The following ZNF704 variants were observed in gnomAD, a reference collection of about 807,000 sequenced individuals.
ZNF704 encodes the protein zinc finger protein 704.
In ZNF704, 10 loss-of-function variants were observed where a neutral mutation model predicts 44.7. The observed-to-expected ratio is 0.22, with a 90% CI of 0.14 to 0.38. ZNF704 has a LOEUF of 0.38. Among genes scored for constraint, ZNF704 ranks in the 10% least tolerant of loss-of-function variants. ZNF704 has a pLI of 1.00. For missense variants in ZNF704, 390 were observed against 545.5 expected, an observed-to-expected ratio of 0.71 and a Z score of 2.84; for synonymous variants, 211 against 207.6, an observed-to-expected ratio of 1.02 and a Z score of -0.14.
intron 4 of ZNF704, among the ~76,000 whole-genome samples, chr8:80,672,803 A>G (rs1563513728): frequency 1.3e-5 from 2 of 152,152 alleles, no homozygotes; most frequent in Non-Finnish European, 2.9e-5. Context: ...AAAACTATCT[A>G]TTGGGTACTA....
At chr8:80,719,659 C>A (rs1819131537) in intron 2 of ZNF704, among the ~76,000 whole-genome samples, 1 of 152,126 alleles carries the variant, frequency 6.6e-6, no homozygotes, top group South Asian at 2.1e-4. Flanking sequence ...GCATTTTCTG[C>A]CTTTTCACTA....
intron 1 of ZNF704, among the ~76,000 whole-genome samples, chr8:80,861,274 G>A (rs1471228810): frequency 6.6e-6 from 1 of 152,144 alleles, no homozygotes; most frequent in Non-Finnish European, 1.5e-5. Context: ...CACCACTGGA[G>A]TATATTTATT....
chr8:80,864,618 T>A (rs1809122825), intron 1 of ZNF704, among the ~76,000 whole-genome samples: 1 of 152,060 alleles, frequency 6.6e-6, no homozygotes, highest in African/African-American at 2.4e-5. Flanking sequence ...TCCCTAACAG[T>A]GGGAGCAAGC....
chr8:80,871,985 G>C (rs546105442), intron 1 of ZNF704, among the ~76,000 whole-genome samples: 2 of 152,280 alleles, frequency 1.3e-5, no homozygotes, highest in South Asian at 2.1e-4. Context: ...TGTTTTTACG[G>C]ATTTGATTTT....
intron 2 of ZNF704, among the ~76,000 whole-genome samples, chr8:80,752,158 T>G (rs1308267266): frequency 6.6e-6 from 1 of 152,236 alleles, no homozygotes; most frequent in Admixed American, 6.5e-5. Flanking sequence ...TTATTCAATG[T>G]TAATACATTC....
At chr8:80,742,141 A>AGAAAG (rs1010353489) in intron 2 of ZNF704, among the ~76,000 whole-genome samples, 62 of 152,270 alleles carry the variant, frequency 4.1e-4, no homozygotes, top group African/African-American at 1.5e-3. Flanking sequence ...CGGGGTCATC[A>AGAAAG]GAAAGGAAAG....
At chr8:80,728,683 T>C (rs186500346) in intron 2 of ZNF704, among the ~76,000 whole-genome samples, 42 of 152,286 alleles carry the variant, frequency 2.8e-4, no homozygotes, top group Non-Finnish European at 5.7e-4. Flanking sequence ...GGTCTGGGGT[T>C]TGCAGCCAGG....
rs148574505 is a variant in ZNF704, at chr8:80,686,218, C to T, written c.558+1008G>A. Among the ~76,000 whole-genome samples the T allele has an allele frequency of 6.4e-3, 977 of 152,280 alleles. 3 individuals carry two copies. The highest frequency in any genetic ancestry group is 0.014 in the Middle Eastern group (4 of 294). On this transcript the variant is annotated intron_variant, in intron 4 of 8. Transcript: ENST00000327835. ...CTCTGTCCCTTTCTAACCTGCCTGACAGGGGCCAGTTAAATGTACAATCAA... is the reference window on the plus strand; with the variant it reads ...CTCTGTCCCTTTCTAACCTGCCTGATAGGGGCCAGTTAAATGTACAATCAA...
In ZNF704 at chr8:80,671,901, T is replaced by C. The variant is rs550965623; in HGVS notation, c.559-1298A>G. ...CAAAGGACACAAAGGTCTTAGGGTA[T>C]AGCAAAACCACCAGATCAGAGTTCT... On this transcript the variant is annotated intron_variant, in intron 4 of 8. Coordinates refer to ENST00000327835, the MANE Select transcript of ZNF704 (RefSeq NM_001033723.3). Among the ~76,000 whole-genome samples, 6 of 152,328 alleles carry C rather than the reference T, an allele frequency of 3.9e-5. 1 individual carries two copies. Among genetic ancestry groups the C allele is most frequent in the East Asian group, 1.9e-4 (1 of 5,190 alleles).
intron 1 of ZNF704, among the ~76,000 whole-genome samples, chr8:80,852,980 CTTTGT>C (rs1808896035): frequency 6.6e-6 from 1 of 152,146 alleles, no homozygotes; most frequent in Non-Finnish European, 1.5e-5. Context: ...AGGTTGCTTG[CTTTGT>C]TTTAAGGTAG....
At chr8:80,739,770 C>T (rs941462983) in intron 2 of ZNF704, among the ~76,000 whole-genome samples, 1 of 152,120 alleles carries the variant, frequency 6.6e-6, no homozygotes, top group Admixed American at 6.5e-5. Context: ...GGCTTGCTTC[C>T]AGTGCGGTCT....
chr8:80,672,312 G>A (rs1444428719), intron 4 of ZNF704, among the ~76,000 whole-genome samples: 1 of 152,172 alleles, frequency 6.6e-6, no homozygotes, highest in African/African-American at 2.4e-5. Flanking sequence ...CATATACACT[G>A]GTGACGGGAG....
chr8:80,785,871 C>T (rs1049356604), intron 2 of ZNF704, among the ~76,000 whole-genome samples: 4 of 152,152 alleles, frequency 2.6e-5, no homozygotes, highest in Admixed American at 2.6e-4. Context: ...CTTCTTGCTA[C>T]TGGGGTATTG....
At chr8:80,772,402 G>T (rs1486910673) in intron 2 of ZNF704, among the ~76,000 whole-genome samples, 1 of 152,248 alleles carries the variant, frequency 6.6e-6, no homozygotes, top group East Asian at 1.9e-4. Flanking sequence ...TTGGCTCACG[G>T]TTCTGCAGGC....
intron 1 of ZNF704, chr8:80,873,676 C>T (rs974636077): frequency 1.9e-5 from 3 of 154,818 alleles, no homozygotes; most frequent in African/African-American, 7.2e-5. Flanking sequence ...CCTCCTCTTC[C>T]TCGTCGTCAT....
chr8:80,858,672 G>A (rs1332932676), intron 1 of ZNF704, among the ~76,000 whole-genome samples: 2 of 150,758 alleles, frequency 1.3e-5, no homozygotes, highest in Non-Finnish European at 2.9e-5. Context: ...GCAACACAGC[G>A]AGATTCTGTC....
intron 2 of ZNF704, among the ~76,000 whole-genome samples, chr8:80,820,144 A>C (rs1204416355): frequency 6.6e-6 from 1 of 152,180 alleles, no homozygotes; most frequent in African/African-American, 2.4e-5. Context: ...TCTTTTTTTC[A>C]TCTGACAAAT....
intron 8 of ZNF704, 90 bp downstream of exon 8, chr8:80,642,945 G>C: frequency 2.4e-6 from 2 of 835,778 alleles, no homozygotes; most frequent in Non-Finnish European, 3.4e-6. Context: ...AAATTTTATA[G>C]AAGATCATTT....
At chr8:80,782,158 T>C (rs1807537508) in intron 2 of ZNF704, among the ~76,000 whole-genome samples, 1 of 152,192 alleles carries the variant, frequency 6.6e-6, no homozygotes, top group African/African-American at 2.4e-5. Context: ...TGGGATATAT[T>C]TATTTTCAAG....
Sources: gnomAD v4.1 joint callset for allele counts (sites outside exome capture counted in the v4.1 genomes callset) on GRCh38, gnomAD v4.1.1 for gene constraint, MANE v1.5 for transcripts, NCBI Gene and HGNC (gene_info 2026-07-23, HGNC 2026-07-21) for gene names.